Variants in LPP observed in about 807,000 individuals in gnomAD.
LPP encodes the protein LIM domain containing preferred translocation partner in lipoma.
In LPP, 38 loss-of-function variants were observed where a neutral mutation model predicts 60.4. The observed-to-expected ratio is 0.63, with a 90% confidence interval of 0.49 to 0.83. The LOEUF is 0.83. Ranked by LOEUF, LPP falls within the 40% of genes least tolerant of loss-of-function variation. LPP has a pLI of 0.00. For synonymous variants in LPP, 328 were observed against 290.8 expected, an observed-to-expected ratio of 1.13 and a Z score of -1.30; for missense variants, 902 against 783.6, an observed-to-expected ratio of 1.15 and a Z score of -1.80.
At chr3:188,847,799 C>T (rs962167930) in intron 9 of LPP, among the ~76,000 whole-genome samples, 2 of 152,126 alleles carry the variant, frequency 1.3e-5, no homozygotes, top group Non-Finnish European at 2.9e-5. Context: ...TAGAAACAGT[C>T]TTTAGCAGCC....
At chr3:188,163,787 C>CAAAAAA (rs10663486) in intron 1 of LPP, among the ~76,000 whole-genome samples, 3 of 137,546 alleles carry the variant, frequency 2.2e-5, no homozygotes, top group Non-Finnish European at 4.7e-5. Context: ...ACTAAATATA[C>CAAAAAA]AAAAAAAAAA....
chr3:188,823,869 CTA>C (rs1754665857), intron 9 of LPP, among the ~76,000 whole-genome samples: 1 of 152,080 alleles, frequency 6.6e-6, no homozygotes, highest in Non-Finnish European at 1.5e-5. Context: ...ATATTCCTCC[CTA>C]TGTTTATCTT....
intron 9 of LPP, among the ~76,000 whole-genome samples, chr3:188,825,472 G>A (rs1755214675): frequency 1.3e-5 from 2 of 151,982 alleles, no homozygotes; most frequent in African/African-American, 4.8e-5. Flanking sequence ...TGCTAAGGAA[G>A]GGTTCAACCC....
At chr3:188,156,853 C>CG (rs1445642493) in intron 1 of LPP, among the ~76,000 whole-genome samples, 2 of 150,980 alleles carry the variant, frequency 1.3e-5, no homozygotes, top group African/African-American at 4.9e-5. Flanking sequence ...TGCGCCCCAC[C>CG]CCCCCAAGAA....
chr3:188,558,757 CA>C (rs935058822), intron 6 of LPP, among the ~76,000 whole-genome samples: 4 of 152,032 alleles, frequency 2.6e-5, no homozygotes, highest in Non-Finnish European at 1.5e-5. Flanking sequence ...TTGCTGTTCT[CA>C]AAAAAAGTGG....
chr3:188,491,065 T>G (rs1474088702), intron 5 of LPP, among the ~76,000 whole-genome samples: 1 of 152,172 alleles, frequency 6.6e-6, no homozygotes, highest in African/African-American at 2.4e-5. Context: ...TGGCCGGCAC[T>G]GGAATTTTTG....
chr3:188,582,286 G>A lies in LPP; in HGVS notation c.430-26875G>A, dbSNP rs145005280. The stretch of plus-strand genomic sequence containing the variant: ...AACGATTCTCTTGCCTCAGCCTCCC[G>A]AGTAGCTGTGTCTACAGGTGTGCAC... On this transcript the variant is annotated intron_variant, in intron 6 of 11. Transcript: ENST00000617246. 4.0e-3 allele frequency among the ~76,000 whole-genome samples: 599 copies of A among 149,572 alleles called. 4 individuals carry two copies. Among genetic ancestry groups the A allele is most frequent in the African/African-American group, 0.014 (550 of 40,648 alleles).
chr3:188,305,442 A>G (rs1471584889), intron 2 of LPP, among the ~76,000 whole-genome samples: 1 of 152,238 alleles, frequency 6.6e-6, no homozygotes, highest in Non-Finnish European at 1.5e-5. Flanking sequence ...AGATAGGTAC[A>G]AATAACCTGT....
chr3:188,195,636 A>G (rs1362530077), intron 1 of LPP, among the ~76,000 whole-genome samples: 1 of 152,254 alleles, frequency 6.6e-6, no homozygotes, highest in Non-Finnish European at 1.5e-5. Flanking sequence ...TGTGCCGTTA[A>G]GTATAACACA....
chr3:188,191,970 G>A (rs967207168), intron 1 of LPP, among the ~76,000 whole-genome samples: 1 of 152,086 alleles, frequency 6.6e-6, no homozygotes, highest in Non-Finnish European at 1.5e-5. Flanking sequence ...AGGTTTGAGG[G>A]TTCCTAGGGG....
chr3:188,820,434 T>G (rs1006476984), intron 9 of LPP, among the ~76,000 whole-genome samples: 1 of 152,166 alleles, frequency 6.6e-6, no homozygotes, highest in Admixed American at 6.5e-5. Context: ...TGTGTCTCTT[T>G]GTGTCTGTAT....
chr3:188,815,667 G>T (rs552686164), intron 9 of LPP, among the ~76,000 whole-genome samples: 39 of 152,308 alleles, frequency 2.6e-4, no homozygotes, highest in Non-Finnish European at 4.9e-4. Flanking sequence ...ATTTTCTGTT[G>T]TATGTGTGTT....
chr3:188,211,597 TCCAACTTAGTCATCACAGAA>T (rs1390773193), intron 1 of LPP, among the ~76,000 whole-genome samples: 3 of 152,152 alleles, frequency 2.0e-5, no homozygotes, highest in Non-Finnish European at 2.9e-5. Context: ...GCTTCACTGC[TCCAACTTAGTCATCACAGAA>T]CCTTAGGGTT....
chr3:188,624,647 G>A (rs1000619853), intron 7 of LPP, among the ~76,000 whole-genome samples: 4 of 151,990 alleles, frequency 2.6e-5, no homozygotes, highest in African/African-American at 9.7e-5. Context: ...TATTAATAGG[G>A]AGTCAAGTAG....
chr3:188,531,580 A>G (rs1236911240), intron 6 of LPP, among the ~76,000 whole-genome samples: 1 of 152,094 alleles, frequency 6.6e-6, no homozygotes, highest in Non-Finnish European at 1.5e-5. Context: ...CTATGTTTTG[A>G]ATGTTTTGAA....
At position 188,760,431 on chromosome 3, in the gene LPP, T is replaced by TGTGC. The variant is rs1731863703; in HGVS notation, c.1410+152_1410+153insCGTG. 8.2e-6 allele frequency: 6 copies of TGTGC among 735,202 alleles called. No individual in the cohort carries two copies. In the East Asian group the frequency reaches 1.3e-4, roughly 16 times the overall value. 45.5% of individuals were successfully genotyped at this position (735,202 alleles called of 1,614,324 possible). On this transcript the variant is annotated intron_variant, in intron 9 of 11. Coordinates refer to ENST00000617246, the MANE Select transcript of LPP (RefSeq NM_001375462.1). ...TGGGGTGTGTGTGTGTGTGTGTGTGTGTGTGCGTGCGCGCATGTAAATTAG... is the reference window on the plus strand; with the variant it reads ...TGGGGTGTGTGTGTGTGTGTGTGTGTGTGCGTGTGCGTGCGCGCATGTAAATTAG...
At chr3:188,692,697 C>T (rs1320310764) in intron 7 of LPP, among the ~76,000 whole-genome samples, 2 of 152,194 alleles carry the variant, frequency 1.3e-5, no homozygotes, top group Non-Finnish European at 2.9e-5. Context: ...TTTAGCATGG[C>T]ACTTACTAGG....
At chr3:188,250,586 A>C (rs1015085362) in intron 2 of LPP, among the ~76,000 whole-genome samples, 8 of 152,100 alleles carry the variant, frequency 5.3e-5, no homozygotes, top group African/African-American at 1.7e-4. Flanking sequence ...GATTGGTGCA[A>C]AATTAGGATT....
rs140953535 is a variant in LPP, at chr3:188,174,611, G to A, written c.-190+20359G>A. Among the ~76,000 whole-genome samples, 672 of 152,252 alleles carry A rather than the reference G, an allele frequency of 4.4e-3. 1 individual carries two copies. The highest frequency in any genetic ancestry group is 0.011 in the South Asian group (54 of 4,830). On this transcript the variant is annotated intron_variant, in intron 1 of 11. Transcript: ENST00000617246. Reference sequence around the variant, plus strand: ...TGAACCCTGGAGACATAAATACCCTGTATATCTTCCTTATCCTGCCATTTA... The same window carrying A: ...TGAACCCTGGAGACATAAATACCCTATATATCTTCCTTATCCTGCCATTTA...
Sources: allele counts gnomAD v4.1 joint callset (sites outside exome capture counted in the v4.1 genomes callset), GRCh38; gene constraint gnomAD v4.1.1; transcripts MANE v1.5; gene names NCBI Gene and HGNC (gene_info 2026-07-23, HGNC 2026-07-21).